Variants in MAGI2 observed in about 807,000 individuals in gnomAD.
MAGI2 encodes the protein membrane associated guanylate kinase, WW and PDZ domain containing 2.
Under a neutral mutation model 133.3 loss-of-function variants are expected in MAGI2, and 35 were observed. The ratio of observed to expected loss-of-function variants is 0.26; its 90% confidence interval spans 0.20 to 0.35. MAGI2 has a LOEUF of 0.35. Among genes scored for constraint, MAGI2 ranks in the 10% least tolerant of loss-of-function variants. The pLI, the probability that MAGI2 is intolerant of heterozygous loss-of-function variation, is 1.00. For missense variants in MAGI2, 1,636 were observed against 1,863.4 expected (o/e 0.88, Z 2.25); for synonymous variants, 729 against 710.6 (o/e 1.03, Z -0.41).
intron 1 of MAGI2, among the ~76,000 whole-genome samples, chr7:79,144,036 A>G (rs968467574): frequency 6.6e-6 from 1 of 152,138 alleles, no homozygotes; most frequent in South Asian, 2.1e-4. Context: ...GCATTACCAA[A>G]CATACAGTAT....
intron 1 of MAGI2, among the ~76,000 whole-genome samples, chr7:79,430,316 G>A (rs979075951): frequency 6.6e-6 from 1 of 151,982 alleles, no homozygotes; most frequent in African/African-American, 2.4e-5. Context: ...TGACAAAAGA[G>A]GCAACTTCAC....
At chr7:78,597,147 A>C (rs1183052615) in intron 3 of MAGI2, among the ~76,000 whole-genome samples, 1 of 152,204 alleles carries the variant, frequency 6.6e-6, no homozygotes, top group Admixed American at 6.5e-5. Flanking sequence ...CTAACCAGAA[A>C]GACAAGCTTG....
At chr7:78,156,821 AC>A (rs1483948303) in intron 16 of MAGI2, among the ~76,000 whole-genome samples, 6 of 149,458 alleles carry the variant, frequency 4.0e-5, no homozygotes, top group African/African-American at 9.8e-5. Flanking sequence ...GAAAAAAAAA[AC>A]AAACCCAAAA....
intron 9 of MAGI2, among the ~76,000 whole-genome samples, chr7:78,343,310 A>C (rs4371942): frequency 2.0e-5 from 3 of 152,044 alleles, no homozygotes; most frequent in Non-Finnish European, 2.9e-5. Flanking sequence ...ATTAAAACAT[A>C]ATATAGGGAC....
chr7:78,608,901 C>T (rs1806125538), intron 3 of MAGI2, among the ~76,000 whole-genome samples: 1 of 152,122 alleles, frequency 6.6e-6, no homozygotes, highest in Admixed American at 6.6e-5. Flanking sequence ...TATCTATCTA[C>T]ATATGGGAGT....
chr7:78,187,404 A>G (rs1223061228), intron 12 of MAGI2, among the ~76,000 whole-genome samples: 1 of 152,190 alleles, frequency 6.6e-6, no homozygotes, highest in Non-Finnish European at 1.5e-5. Context: ...AGAGAATAAG[A>G]ATATAGTACA....
chr7:78,478,252 T>C (rs1791988304), intron 6 of MAGI2, among the ~76,000 whole-genome samples: 1 of 151,924 alleles, frequency 6.6e-6, no homozygotes. Context: ...TCCAGCATCA[T>C]CCATGTCCCT....
chr7:78,527,079 AAAG>A (rs966226663), intron 3 of MAGI2, among the ~76,000 whole-genome samples: 2 of 151,948 alleles, frequency 1.3e-5, no homozygotes, highest in African/African-American at 2.4e-5. Context: ...ATGTGAATAA[AAAG>A]AATAGCCCAT....
chr7:78,834,841 G>T (rs1351759901), intron 2 of MAGI2, among the ~76,000 whole-genome samples: 1 of 152,040 alleles, frequency 6.6e-6, no homozygotes, highest in African/African-American at 2.4e-5. Flanking sequence ...GTACTCACGA[G>T]ATCTGATTGT....
chr7:78,052,804 G>A (rs1158818113), intron 21 of MAGI2, among the ~76,000 whole-genome samples: 1 of 151,992 alleles, frequency 6.6e-6, no homozygotes, highest in Admixed American at 6.6e-5. Flanking sequence ...GTTACCCTGA[G>A]GAAATAATCA....
intron 2 of MAGI2, among the ~76,000 whole-genome samples, chr7:78,983,193 G>A (rs1455505179): frequency 6.6e-6 from 1 of 151,864 alleles, no homozygotes; most frequent in African/African-American, 2.4e-5. Context: ...GTACATATGT[G>A]GCTTGCATTG....
chr7:79,392,469 C>T (rs1054822392), intron 1 of MAGI2, among the ~76,000 whole-genome samples: 1 of 152,138 alleles, frequency 6.6e-6, no homozygotes, highest in Admixed American at 6.5e-5. Context: ...ATTAACAATC[C>T]CACCAACAGT....
At chr7:78,532,453 C>T (rs1387688099) in intron 3 of MAGI2, among the ~76,000 whole-genome samples, 2 of 152,148 alleles carry the variant, frequency 1.3e-5, no homozygotes, top group Non-Finnish European at 2.9e-5. Context: ...TATTCCAAGC[C>T]TTTCATTTGC....
chr7:78,233,940 G>A (rs1563300963), intron 10 of MAGI2, among the ~76,000 whole-genome samples: 1 of 152,060 alleles, frequency 6.6e-6, no homozygotes, highest in Non-Finnish European at 1.5e-5. Context: ...TGGGATGATG[G>A]CATATTAGAT....
At chr7:79,088,312 T>G (rs890467185) in intron 1 of MAGI2, among the ~76,000 whole-genome samples, 2 of 152,120 alleles carry the variant, frequency 1.3e-5, no homozygotes, top group African/African-American at 4.8e-5. Flanking sequence ...GCCCTCTGTT[T>G]GTCTGTTAAT....
At chr7:78,907,413 G>C (rs768039029) in intron 2 of MAGI2, among the ~76,000 whole-genome samples, 12 of 152,092 alleles carry the variant, frequency 7.9e-5, no homozygotes, top group Non-Finnish European at 1.6e-4. Context: ...ATATTATTGG[G>C]TTTCATATCT....
rs367728110 is a variant in MAGI2 at position 78,547,495 on chromosome 7, TATTC to T, written c.539-25854_539-25851del. ...TAAATGGTTATTTGACAACAATTTG[TATTC>T]ATTCATTCATTCTTCATTCATTCAT... On this transcript the variant is annotated intron_variant, in intron 3 of 21. Transcript: ENST00000354212. Among the ~76,000 whole-genome samples the T allele has an allele frequency of 7.7e-3, 1,172 of 152,378 alleles. 12 individuals carry two copies. Among genetic ancestry groups the T allele is most frequent in the African/African-American group, 0.027 (1,111 of 41,580 alleles).
intron 1 of MAGI2, among the ~76,000 whole-genome samples, chr7:79,260,968 A>G (rs1834045868): frequency 6.6e-6 from 1 of 152,240 alleles, no homozygotes; most frequent in Non-Finnish European, 1.5e-5. Context: ...GATAAGATAC[A>G]GCCCTTCTCC....
chr7:78,893,936 T>G (rs541804302), intron 2 of MAGI2, among the ~76,000 whole-genome samples: 1 of 152,176 alleles, frequency 6.6e-6, no homozygotes, highest in Non-Finnish European at 1.5e-5. Flanking sequence ...TGATTTTTAC[T>G]CACTATAATA....
Sources: allele counts gnomAD v4.1 joint callset (sites outside exome capture counted in the v4.1 genomes callset), GRCh38; gene constraint gnomAD v4.1.1; transcripts MANE v1.5; gene names NCBI Gene and HGNC (gene_info 2026-07-23, HGNC 2026-07-21).